NAALADL2: variants seen among roughly 807,000 people sequenced by gnomAD.
NAALADL2 encodes N-acetylated alpha-linked acidic dipeptidase like 2, also known as inactive N-acetylated-alpha-linked acidic dipeptidase-like protein 2.
NAALADL2 carries 76 observed loss-of-function variants against 87.2 expected under a neutral mutation model. The observed-to-expected ratio is 0.87, with a 90% CI of 0.72 to 1.05. The LOEUF (loss-of-function observed/expected upper bound fraction) is 1.05, where lower values mean the gene tolerates loss of function less well. Ranked by LOEUF, NAALADL2 falls within the 50% of genes least tolerant of loss-of-function variation. The pLI is 0.00. For missense variants in NAALADL2, 1,089 were observed against 945.8 expected (o/e 1.15, Z -1.99); for synonymous variants, 354 against 331.0 (o/e 1.07, Z -0.75).
chr3:174,905,751 T>C lies in NAALADL2; in HGVS notation c.43+46301T>C, dbSNP rs1343853627. Among the ~76,000 whole-genome samples, 4 of 152,054 alleles carry C rather than the reference T, an allele frequency of 2.6e-5. No homozygotes were observed. The East Asian group carries it at 7.7e-4, about 29-fold the overall frequency. On this transcript the variant is annotated intron_variant, in intron 1 of 13. Coordinates refer to ENST00000454872, the MANE Select transcript of NAALADL2 (RefSeq NM_207015.3). ...ACCTGAGACAGACAGGATAAATCTC[T>C]ATTGTGGTATCTGATGTAGAAGGGG...
chr3:174,611,553 T>C (rs2108641814), intron 2 of NAALADL2, among the ~76,000 whole-genome samples: 1 of 152,220 alleles, frequency 6.6e-6, no homozygotes, highest in South Asian at 2.1e-4. Flanking sequence ...GCACTTACTA[T>C]TGCCCATGAG....
At chr3:174,865,115 A>G (rs1440757586) in intron 1 of NAALADL2, among the ~76,000 whole-genome samples, 4 of 151,994 alleles carry the variant, frequency 2.6e-5, no homozygotes, top group African/African-American at 9.7e-5. Context: ...TGCTTTCTGT[A>G]ATTTATATTG....
chr3:174,728,480 T>C (rs746699317), intron 2 of NAALADL2, among the ~76,000 whole-genome samples: 6 of 152,170 alleles, frequency 3.9e-5, no homozygotes, highest in Non-Finnish European at 8.8e-5. Flanking sequence ...TTGTAAGTAC[T>C]TACTAAAGCA....
At chr3:175,529,595 G>C (rs1733842169) in intron 9 of NAALADL2, among the ~76,000 whole-genome samples, 1 of 152,164 alleles carries the variant, frequency 6.6e-6, no homozygotes, top group Non-Finnish European at 1.5e-5. Flanking sequence ...CTAGTTGGCA[G>C]TGTAATTGTA....
intron 9 of NAALADL2, among the ~76,000 whole-genome samples, chr3:175,479,626 C>G (rs1207028755): frequency 6.6e-6 from 1 of 151,684 alleles, no homozygotes; most frequent in Non-Finnish European, 1.5e-5. Flanking sequence ...TGCAAATACA[C>G]TTTTTCAGAA....
chr3:174,512,615 C>G lies in NAALADL2; in HGVS notation c.-183-37954C>G, dbSNP rs534169057. Among the ~76,000 whole-genome samples the G allele has an allele frequency of 3.9e-5, 6 of 152,210 alleles. No homozygotes were observed. The East Asian group carries it at 1.2e-3, about 29-fold the overall frequency. ...TCTTTAGAGATCTATTTTTGGATAGCCTTAGTATCTCAGTATTGTTTCCCA... is the reference window on the plus strand; with the variant it reads ...TCTTTAGAGATCTATTTTTGGATAGGCTTAGTATCTCAGTATTGTTTCCCA... On this transcript the variant is annotated intron_variant, in intron 1 of 3. Transcript: ENST00000434257.
At chr3:175,737,714 GTTTTT>G (rs71164650) in intron 12 of NAALADL2, among the ~76,000 whole-genome samples, 142 of 54,744 alleles carry the variant, frequency 2.6e-3, no homozygotes, top group African/African-American at 0.011. Context: ...CAATGATCCA[GTTTTT>G]TTTTTTTTTT....
intron 8 of NAALADL2, among the ~76,000 whole-genome samples, chr3:175,468,760 A>G (rs537700674): frequency 6.6e-6 from 1 of 152,128 alleles, no homozygotes; most frequent in East Asian, 1.9e-4. Flanking sequence ...TCAAACCCCA[A>G]TGCATGCAAA....
At chr3:175,356,508 G>A (rs1764377556) in intron 5 of NAALADL2, among the ~76,000 whole-genome samples, 1 of 151,294 alleles carries the variant, frequency 6.6e-6, no homozygotes, top group Admixed American at 6.6e-5. Context: ...CCAAGAGGTT[G>A]AGGCTACACT....
At chr3:174,557,639 T>C (rs1713010716) in intron 2 of NAALADL2, among the ~76,000 whole-genome samples, 4 of 152,210 alleles carry the variant, frequency 2.6e-5, no homozygotes, top group African/African-American at 9.6e-5. Context: ...GTTACTACTG[T>C]TCCTAGCTGA....
intron 3 of NAALADL2, among the ~76,000 whole-genome samples, chr3:174,755,617 G>C (rs1389683674): frequency 1.3e-5 from 2 of 152,106 alleles, no homozygotes; most frequent in South Asian, 4.1e-4. Context: ...CATAGAGCAA[G>C]CCACACTGTA....
chr3:174,848,004 TCTC>T (rs1415222495), intron 3 of NAALADL2, among the ~76,000 whole-genome samples: 3 of 146,340 alleles, frequency 2.1e-5, no homozygotes, highest in African/African-American at 7.6e-5. Flanking sequence ...CTCTTTTCTC[TCTC>T]TTTTTTTTTT....
intron 1 of NAALADL2, among the ~76,000 whole-genome samples, chr3:175,079,047 T>C (rs1052533199): frequency 1.3e-5 from 2 of 152,234 alleles, no homozygotes; most frequent in African/African-American, 4.8e-5. Context: ...ACATTCCCAC[T>C]AGCAACGTAT....
At chr3:174,877,264 T>C (rs771237932) in intron 1 of NAALADL2, among the ~76,000 whole-genome samples, 5 of 152,142 alleles carry the variant, frequency 3.3e-5, no homozygotes, top group Non-Finnish European at 7.4e-5. Flanking sequence ...TATGTAGATA[T>C]CTATGCACCA....
intron 5 of NAALADL2, among the ~76,000 whole-genome samples, chr3:175,373,144 A>G (rs1766702518): frequency 6.6e-6 from 1 of 152,198 alleles, no homozygotes; most frequent in Non-Finnish European, 1.5e-5. Flanking sequence ...CCTGTTCCAT[A>G]TTAATTTTTT....
chr3:175,214,478 A>G (rs1363374091), intron 2 of NAALADL2, among the ~76,000 whole-genome samples: 1 of 152,188 alleles, frequency 6.6e-6, no homozygotes, highest in Admixed American at 6.5e-5. Context: ...TACAAATGTC[A>G]GTTACTGATT....
intron 2 of NAALADL2, among the ~76,000 whole-genome samples, chr3:175,188,774 T>C (rs926673042): frequency 2.0e-5 from 3 of 152,050 alleles, no homozygotes; most frequent in African/African-American, 7.2e-5. Flanking sequence ...GCCTAAACTC[T>C]TGCTGCGTCC....
chr3:174,930,685 G>A (rs556913114), intron 1 of NAALADL2, among the ~76,000 whole-genome samples: 1 of 135,654 alleles, frequency 7.4e-6, no homozygotes, highest in East Asian at 2.3e-4. Context: ...CCAGTGGCGC[G>A]ATCTCGGCTC....
chr3:175,029,031 T>G (rs946705861), intron 1 of NAALADL2, among the ~76,000 whole-genome samples: 6 of 132,346 alleles, frequency 4.5e-5, no homozygotes, highest in Non-Finnish European at 9.6e-5. Flanking sequence ...TACATATATG[T>G]AAAATCATAT....
Sources: allele counts gnomAD v4.1 joint callset (sites outside exome capture counted in the v4.1 genomes callset), GRCh38; gene constraint gnomAD v4.1.1; transcripts MANE v1.5; gene names NCBI Gene and HGNC (gene_info 2026-07-23, HGNC 2026-07-21).